Variants in USP42 observed in about 807,000 individuals in gnomAD.
USP42 encodes ubiquitin specific peptidase 42, also known as ubiquitin carboxyl-terminal hydrolase 42.
Under a neutral mutation model 113.0 loss-of-function variants are expected in USP42, and 23 were observed. The observed-to-expected ratio is 0.20, with a 90% confidence interval of 0.15 to 0.29. The LOEUF (loss-of-function observed/expected upper bound fraction) is 0.29, where lower values mean the gene tolerates loss of function less well. Ranked by LOEUF, USP42 falls within the 10% of genes least tolerant of loss-of-function variation. USP42 has a pLI of 1.00. For synonymous variants in USP42, 933 were observed against 699.0 expected (o/e 1.33, Z -5.28); for missense variants, 2,174 against 1,779.8 (o/e 1.22, Z -3.99).
At position 6,154,555 on chromosome 7, in the gene USP42, G is replaced by A. The variant is rs1394213173; in HGVS notation, c.3001G>A (p.Gly1001Ser). The A allele has an allele frequency of 3.2e-5, 50 of 1,548,476 alleles. No individual in the cohort carries two copies. The East Asian group carries it at 4.2e-4, about 13-fold the overall frequency. ...CCGCCACGCCCCGGAGCACCACCCC[G>A]GCCACGGCGACAGGCTCAGCCCTGG... Reference protein sequence around the residue: ...QDRHAPEHHPGHGDRLSPGER... With the variant: ...QDRHAPEHHPSHGDRLSPGER... Residue 1001 changes from glycine (G) to serine (S), a missense_variant, in exon 15 of 18, where the codon GGC becomes AGC. Gly to Ser is a moderately conservative substitution (Grantham distance 56). Transcript: ENST00000306177.
At chr7:6,137,258 G>A (rs888867273) in intron 4 of USP42, among the ~76,000 whole-genome samples, 5 of 152,168 alleles carry the variant, frequency 3.3e-5, no homozygotes, top group Non-Finnish European at 7.4e-5. Context: ...TGGCATTATT[G>A]ATAGACCACA....
At chr7:6,101,642 G>T (rs1178138466), upstream of USP42, among the ~76,000 whole-genome samples, 1 of 151,156 alleles carries the variant, frequency 6.6e-6, no homozygotes, top group Non-Finnish European at 1.5e-5. Context: ...GCTAGAGTAA[G>T]TGGTGCTAGC....
At chr7:6,090,741 ATATATATATTATATAC>A in the USP42 span, among the ~76,000 whole-genome samples, 4 of 145,850 alleles carry the variant, frequency 2.7e-5, no homozygotes, top group Admixed American at 6.9e-5. Context: ...AAAACTAACT[ATATATATATTATATAC>A]TATATATATT....
intron 2 of USP42, among the ~76,000 whole-genome samples, chr7:6,114,864 G>C (rs1779827407): frequency 6.6e-6 from 1 of 150,522 alleles, no homozygotes; most frequent in Non-Finnish European, 1.5e-5. Context: ...CTAATTTTTT[G>C]TATTTTTAGT....
Position 6,159,409 on chromosome 7 carries a change from C to T in USP42, c.3944-41C>T, listed in dbSNP as rs529095814. Reference sequence around the variant, plus strand: ...CACAGCAGAGGCCCTGGCGATTTTGCAACCATCATTAAAATCTCTTTCCTG... The same window carrying T: ...CACAGCAGAGGCCCTGGCGATTTTGTAACCATCATTAAAATCTCTTTCCTG... On this transcript the variant is annotated intron_variant, in intron 16 of 17. Transcript: ENST00000306177. The surrounding 1 kb of genome is among the most constrained non-coding windows in gnomAD (Gnocchi z 4.1). The T allele has an allele frequency of 6.2e-7, 1 of 1,613,702 alleles. No individual in the cohort carries two copies. The highest frequency in any genetic ancestry group is 1.3e-5 in the African/African-American group (1 of 75,032).
rs146619493 is a variant in USP42 at position 6,110,226 on chromosome 7, G to A, written c.-9-899G>A. Among the ~76,000 whole-genome samples, 95 of 152,252 alleles carry A rather than the reference G, an allele frequency of 6.2e-4. 1 individual carries two copies. In the South Asian group the frequency reaches 0.017, roughly 27 times the overall value. On this transcript the variant is annotated intron_variant, in intron 1 of 17. Coordinates refer to ENST00000306177, the MANE Select transcript of USP42 (RefSeq NM_032172.3). ...ATCCCTAAAAGCCTTCTGTTGACAG[G>A]GTGGCATAACCAGAAGGAAGCCTGG...
At chr7:6,155,232 G>T in intron 15 of USP42, 37 bp downstream of exon 15, 1 of 1,487,798 alleles carries the variant, frequency 6.7e-7, no homozygotes, top group Non-Finnish European at 8.9e-7. Context: ...AGGCGCTGGC[G>T]CTGCTGTCAG....
At chr7:6,116,122 C>A (rs10272554) in intron 3 of USP42, among the ~76,000 whole-genome samples, 57,156 of 139,992 alleles carry the variant, frequency 0.41, 14,201 homozygotes, top group East Asian at 0.76. Context: ...AAAAAAAAAA[C>A]GTCTGATGCC....
rs2128528580 is a variant in USP42 at position 6,158,881 on chromosome 7, G to C, written c.3944-569G>C. Among the ~76,000 whole-genome samples, 1 of 152,218 alleles carries C rather than the reference G, an allele frequency of 6.6e-6. No individual in the cohort carries two copies. Among genetic ancestry groups the C allele is most frequent in the South Asian group, 2.1e-4 (1 of 4,818 alleles). On this transcript the variant is annotated intron_variant, in intron 16 of 17. Coordinates refer to ENST00000306177, the MANE Select transcript of USP42 (RefSeq NM_032172.3). The surrounding 1 kb of genome is among the most constrained non-coding windows in gnomAD (Gnocchi z 4.2). ...GATGGCCCCCGAGGCAGCTGGTCCA[G>C]CGGGAGGGAGGTTGAACGTGATCTT... is the stretch of plus-strand genomic sequence containing the variant.
At chr7:6,091,978 T>TTCTTCTTCTTCTTCTTC in the USP42 span, among the ~76,000 whole-genome samples, 1 of 67,866 alleles carries the variant, frequency 1.5e-5, no homozygotes, top group African/African-American at 6.7e-5. Flanking sequence ...GGACGTATTT[T>TTCTTCTTCTTCTTCTTC]TTCTTCTTCT....
At chr7:6,111,033 T>C in intron 1 of USP42, 92 bp from the exon 2 acceptor site, 1 of 1,326,832 alleles carries the variant, frequency 7.5e-7, no homozygotes, top group Non-Finnish European at 1.0e-6. Flanking sequence ...CACTTTAAAA[T>C]GGCTGGAATG....
chr7:6,095,403 C>T, the USP42 span, among the ~76,000 whole-genome samples: 1 of 151,286 alleles, frequency 6.6e-6, no homozygotes, highest in African/African-American at 2.5e-5. Context: ...GGTGTGGTGG[C>T]TCACGCCTGT....
the USP42 span, among the ~76,000 whole-genome samples, chr7:6,092,050 CTTCTTTCTTCTTCTTCTTCT>C: frequency 5.6e-4 from 41 of 73,418 alleles, 1 homozygote; most frequent in African/African-American, 1.5e-3. Context: ...TCTTCTTCTT[CTTCTTTCTTCTTCTTCTTCT>C]TCTTCCTCTT....
At chr7:6,095,299 C>A in the USP42 span, among the ~76,000 whole-genome samples, 1 of 151,180 alleles carries the variant, frequency 6.6e-6, no homozygotes, top group Non-Finnish European at 1.5e-5. Context: ...GCTGCGTTAA[C>A]TTGGACTCTG....
In USP42 at chr7:6,153,981, C is replaced by A. The variant is rs115305232; in HGVS notation, c.2427C>A (p.Ile809=). The A allele has an allele frequency of 3.3e-4, 520 of 1,597,134 alleles. 1 individual carries two copies. In the African/African-American group the frequency reaches 6.4e-3, roughly 20 times the overall value. Residue 809 remains isoleucine, a synonymous_variant, in exon 15 of 18, where the codon ATC becomes ATA. Coordinates refer to ENST00000306177, the MANE Select transcript of USP42 (RefSeq NM_032172.3). ...EEPPPSAGED[I]VGDTAPPDLC... ...CTCCGCCCAGCGCCGGCGAGGACAT[C>A]GTGGGGGACACAGCACCCCCTGACC...
At chr7:6,102,010 T>C (rs751941690), upstream of USP42, among the ~76,000 whole-genome samples, 22 of 148,884 alleles carry the variant, frequency 1.5e-4, no homozygotes, top group Non-Finnish European at 2.5e-4. Context: ...GAGGTGGAGG[T>C]TGCAGTGAGC....
At chr7:6,148,494 T>A (rs887403112) in intron 12 of USP42, among the ~76,000 whole-genome samples, 1 of 152,250 alleles carries the variant, frequency 6.6e-6, no homozygotes. Flanking sequence ...GATTCTTTAA[T>A]TCCTGTCGGA....
the USP42 span, among the ~76,000 whole-genome samples, chr7:6,097,334 T>A: frequency 6.7e-6 from 1 of 148,970 alleles, no homozygotes; most frequent in African/African-American, 2.5e-5. Flanking sequence ...ACTCGCTTCC[T>A]CCAGTATCTG....
chr7:6,147,871 G>A lies in USP42; in HGVS notation c.1365G>A (p.Gln455=), dbSNP rs1583666690. The A allele has an allele frequency of 5.0e-6, 8 of 1,611,566 alleles. 1 individual carries two copies. The South Asian group carries it at 8.8e-5, about 18-fold the overall frequency. The change falls in exon 12 of 18, where the codon CAG becomes CAA. Residue 455 remains glutamine (Q), a synonymous_variant. Coordinates refer to ENST00000306177, the MANE Select transcript of USP42 (RefSeq NM_032172.3). ...KQAAPGFIGP[Q]LPSHMIKNPP... is the part of the protein sequence containing the mutation. ...CTGCGCCAGGCTTTATCGGACCACA[G>A]CTTCCCTCTCACATGATAAAGGTAA...
Sources: allele counts gnomAD v4.1 joint callset (sites outside exome capture counted in the v4.1 genomes callset), GRCh38; gene constraint gnomAD v4.1.1; non-coding constraint Gnocchi (gnomAD v3.1); transcripts MANE v1.5; gene names NCBI Gene and HGNC (gene_info 2026-07-23, HGNC 2026-07-21).